FGGY: variants seen among roughly 807,000 people sequenced by gnomAD.
FGGY encodes FGGY carbohydrate kinase domain-containing protein.
FGGY carries 72 observed loss-of-function variants against 71.3 expected under a neutral mutation model. That is an observed-to-expected ratio of 1.01 (90% CI 0.84 to 1.23). The LOEUF is 1.23. FGGY is among the 50% of genes most tolerant of loss of function. FGGY has a pLI of 0.00. For missense variants in FGGY, 668 were observed against 682.3 expected, an observed-to-expected ratio of 0.98 and a Z score of 0.23; for synonymous variants, 251 against 250.3, an observed-to-expected ratio of 1.00 and a Z score of -0.02.
chr1:59,674,831 A>G (rs974175397), intron 14 of FGGY, among the ~76,000 whole-genome samples: 28 of 152,198 alleles, frequency 1.8e-4, no homozygotes, highest in African/African-American at 6.5e-4. Context: ...TGCTAAAATA[A>G]TACAAGGTAA....
chr1:59,378,712 C>A (rs1179433394), intron 4 of FGGY, 37 bp from the exon 5 acceptor site: 6 of 1,569,200 alleles, frequency 3.8e-6, no homozygotes, highest in Non-Finnish European at 5.2e-6. Flanking sequence ...GGTAGAAAAA[C>A]CCCCTAATTG....
chr1:59,685,873 C>G (rs936781858), intron 14 of FGGY, among the ~76,000 whole-genome samples: 6 of 152,222 alleles, frequency 3.9e-5, no homozygotes, highest in Non-Finnish European at 8.8e-5. Context: ...TAGGGGGTTA[C>G]TTTGACTGAA....
intron 7 of FGGY, among the ~76,000 whole-genome samples, chr1:59,514,631 G>C (rs2094596942): frequency 6.6e-6 from 1 of 152,178 alleles, no homozygotes; most frequent in African/African-American, 2.4e-5. Flanking sequence ...GAGGGACCCA[G>C]GGGGAGGTAA....
At chr1:59,536,283 A>G (rs2095312624) in intron 7 of FGGY, among the ~76,000 whole-genome samples, 1 of 152,220 alleles carries the variant, frequency 6.6e-6, no homozygotes, top group Non-Finnish European at 1.5e-5. Flanking sequence ...AACCAGGAAG[A>G]AGTTGAATCT....
intron 7 of FGGY, among the ~76,000 whole-genome samples, chr1:59,550,505 G>A (rs1283251760): frequency 2.0e-5 from 3 of 152,108 alleles, no homozygotes; most frequent in Non-Finnish European, 4.4e-5. Context: ...GAGGGGAAAT[G>A]AGGCCAGTCC....
chr1:59,359,409 T>G, intron 4 of FGGY, among the ~76,000 whole-genome samples: 1 of 152,204 alleles, frequency 6.6e-6, no homozygotes. Context: ...GAGATCTGTT[T>G]CCCACCACTA....
intron 6 of FGGY, among the ~76,000 whole-genome samples, chr1:59,469,417 C>A (rs2153541503): frequency 6.6e-6 from 1 of 152,190 alleles, no homozygotes; most frequent in Non-Finnish European, 1.5e-5. Context: ...TGAGAGAGGG[C>A]AAGAGGGGGC....
chr1:59,368,374 G>A (rs563761377), intron 4 of FGGY, among the ~76,000 whole-genome samples: 3 of 152,148 alleles, frequency 2.0e-5, no homozygotes, highest in South Asian at 2.1e-4. Flanking sequence ...CCTCTGATTG[G>A]ACTGGGAGGT....
intron 2 of FGGY, among the ~76,000 whole-genome samples, chr1:59,322,278 CTTT>C (rs779225811): frequency 6.8e-4 from 87 of 127,292 alleles, no homozygotes; most frequent in African/African-American, 2.4e-3. Context: ...GAGGTGCGCT[CTTT>C]TTTTTTTTTT....
chr1:59,360,040 G>A (rs145916412), intron 4 of FGGY, among the ~76,000 whole-genome samples: 3 of 151,964 alleles, frequency 2.0e-5, no homozygotes, highest in African/African-American at 4.8e-5. Context: ...AGCAAAACAA[G>A]CAATTAGGAA....
At position 59,596,723 on chromosome 1, in the gene FGGY, GAT is replaced by G. The variant is rs562978922; in HGVS notation, c.904-11079_904-11078del. Among the ~76,000 whole-genome samples, 330 of 152,318 alleles carry G rather than the reference GAT, an allele frequency of 2.2e-3. 4 individuals carry two copies. The highest frequency in any genetic ancestry group is 5.1e-4 in the Non-Finnish European group (35 of 68,030). On this transcript the variant is annotated intron_variant, in intron 8 of 15. Coordinates refer to ENST00000303721, the MANE Select transcript of FGGY (RefSeq NM_018291.5). ...CTTCCAGGCACCCAGGCCTGGGAAA[GAT>G]TCACAGGCCTAGTCCAGACCTGGCA...
At chr1:59,551,928 A>G (rs1205799390) in intron 7 of FGGY, among the ~76,000 whole-genome samples, 1 of 152,216 alleles carries the variant, frequency 6.6e-6, no homozygotes, top group Non-Finnish European at 1.5e-5. Flanking sequence ...CTCAGGATTC[A>G]CTCAGCAAAA....
intron 1 of FGGY, among the ~76,000 whole-genome samples, chr1:59,315,413 C>A (rs980522675): frequency 6.6e-6 from 1 of 151,292 alleles, no homozygotes; most frequent in Non-Finnish European, 1.5e-5. Flanking sequence ...CTCCTTCCCC[C>A]ACTTCTTTCC....
At chr1:59,528,379 T>C (rs948645670) in intron 7 of FGGY, among the ~76,000 whole-genome samples, 3 of 152,178 alleles carry the variant, frequency 2.0e-5, no homozygotes, top group African/African-American at 7.2e-5. Context: ...GGAGACTCGC[T>C]TAGACTCAGG....
At chr1:59,525,764 G>A (rs1570678772) in intron 7 of FGGY, among the ~76,000 whole-genome samples, 2 of 152,066 alleles carry the variant, frequency 1.3e-5, no homozygotes, top group Admixed American at 6.5e-5. Flanking sequence ...TACTGGGGAC[G>A]TTCATAAACT....
chr1:59,473,354 A>G (rs981688015), intron 6 of FGGY, among the ~76,000 whole-genome samples: 4 of 152,170 alleles, frequency 2.6e-5, no homozygotes, highest in Admixed American at 1.3e-4. Context: ...ACCAGAAGGA[A>G]GAAACTCCGA....
chr1:59,762,702 A>G lies in FGGY; in HGVS notation c.*118A>G. ...TTCATCATTTCTGTATTGTCTTTCAATAAAGAAAACAAACATGTGCAACCA... is the reference window on the plus strand; with the variant it reads ...TTCATCATTTCTGTATTGTCTTTCAGTAAAGAAAACAAACATGTGCAACCA... On this transcript the variant is annotated 3_prime_UTR_variant, in exon 16 of 16. Transcript: ENST00000303721. The G allele has an allele frequency of 1.4e-6, 1 of 739,034 alleles. No individual in the cohort carries two copies. Among genetic ancestry groups the G allele is most frequent in the Non-Finnish European group, 2.2e-6 (1 of 445,056 alleles). 45.8% of individuals were successfully genotyped at this position (739,034 alleles called of 1,614,324 possible).
intron 14 of FGGY, among the ~76,000 whole-genome samples, chr1:59,711,286 T>C (rs1238119230): frequency 1.3e-5 from 2 of 151,980 alleles, no homozygotes; most frequent in Non-Finnish European, 2.9e-5. Context: ...GACTGGGGCC[T>C]GTCAAGCAGT....
intron 14 of FGGY, among the ~76,000 whole-genome samples, chr1:59,715,717 A>G (rs1374223549): frequency 6.6e-6 from 1 of 152,222 alleles, no homozygotes; most frequent in East Asian, 1.9e-4. Context: ...CACAACAGCC[A>G]ACATTTGTTG....
Sources: allele counts gnomAD v4.1 joint callset (sites outside exome capture counted in the v4.1 genomes callset), GRCh38; gene constraint gnomAD v4.1.1; transcripts MANE v1.5; gene names NCBI Gene and HGNC (gene_info 2026-07-23, HGNC 2026-07-21).